The following EARS2 variants were observed in gnomAD, a reference collection of about 807,000 sequenced individuals.
EARS2 encodes the protein glutamyl-tRNA synthetase 2, mitochondrial.
In EARS2, 50 loss-of-function variants were observed where a neutral mutation model predicts 54.1. That is an observed-to-expected ratio of 0.92 (90% CI 0.74 to 1.17). EARS2 has a LOEUF of 1.17. Ranked by LOEUF, EARS2 falls within the 50% of genes most tolerant of loss-of-function variation. The pLI is 0.00. For missense variants in EARS2, 673 were observed against 675.0 expected (o/e 1.00, Z 0.03); for synonymous variants, 298 against 281.0 (o/e 1.06, Z -0.61).
intron 3 of EARS2, among the ~76,000 whole-genome samples, chr16:23,542,730 G>A (rs1316403443): frequency 6.6e-6 from 1 of 152,148 alleles, no homozygotes; most frequent in African/African-American, 2.4e-5. Flanking sequence ...TGGTGTTTCT[G>A]TCCTTGTGTA....
At position 23,524,257 on chromosome 16, in the gene EARS2, T is replaced by A; in HGVS notation, c.*114A>T. 4 of 849,836 alleles carry A rather than the reference T, an allele frequency of 4.7e-6. No individual in the cohort carries two copies. Among genetic ancestry groups the A allele is most frequent in the Non-Finnish European group, 8.0e-6 (4 of 500,328 alleles). 52.6% of individuals were successfully genotyped at this position (849,836 alleles called of 1,614,324 possible). ...GTGCAGTCAGAGATTGTTTCCACTC[T>A]TAGTTCCTTCAGCAAACTTCCCGAC... is the stretch of plus-strand genomic sequence containing the variant. On this transcript the variant is annotated 3_prime_UTR_variant, in exon 9 of 9. Transcript: ENST00000449606.
rs568925129 is a variant in EARS2, at chr16:23,529,623, A to C, written c.1231T>G (p.Cys411Gly). ...GGGGACACCAAGTCCTGCAGGCGGCAAATGTGACCCTGGGGAAGGAGGCAG... is the reference window on the plus strand; with the variant it reads ...GGGGACACCAAGTCCTGCAGGCGGCCAATGTGACCCTGGGGAAGGAGGCAG... Reference protein sequence around the residue: ...RILLLRQGHICRLQDLVSPVY... With the variant: ...RILLLRQGHIGRLQDLVSPVY... The change falls in exon 7 of 9, where the codon TGC becomes GGC. Residue 411 changes from cysteine (C) to glycine (G), a missense_variant. Physicochemically the swap from Cys to Gly is radical, Grantham distance 159 (BLOSUM62 -3). Coordinates refer to ENST00000449606, the MANE Select transcript of EARS2 (RefSeq NM_001083614.2). The C allele has an allele frequency of 4.3e-6, 7 of 1,614,096 alleles. No individual in the cohort carries two copies. The East Asian group carries it at 8.9e-5, about 21-fold the overall frequency.
chr16:23,557,123 G>C, intron 1 of EARS2, 82 bp downstream of exon 1: 1 of 1,478,052 alleles, frequency 6.8e-7, no homozygotes, highest in Non-Finnish European at 8.9e-7. Flanking sequence ...GACACCACCG[G>C]AAAGGATTCA....
chr16:23,536,554 T>C (rs920833444), intron 3 of EARS2, among the ~76,000 whole-genome samples: 1 of 151,658 alleles, frequency 6.6e-6, no homozygotes, highest in African/African-American at 2.4e-5. Flanking sequence ...CCCAGCTCTG[T>C]GGGAGGCCAA....
chr16:23,533,978 C>T (rs559713130), intron 4 of EARS2, among the ~76,000 whole-genome samples: 99 of 151,958 alleles, frequency 6.5e-4, no homozygotes, highest in African/African-American at 2.4e-3. Flanking sequence ...ATCGCTTGAA[C>T]CCAGGAGACG....
intron 3 of EARS2, among the ~76,000 whole-genome samples, chr16:23,543,504 T>C (rs1282890173): frequency 2.0e-5 from 3 of 151,616 alleles, no homozygotes; most frequent in Admixed American, 1.3e-4. Flanking sequence ...TCCTAACACT[T>C]TGGGAATCTG....
At chr16:23,536,108 C>T (rs1965413297) in intron 3 of EARS2, among the ~76,000 whole-genome samples, 1 of 152,166 alleles carries the variant, frequency 6.6e-6, no homozygotes, top group Non-Finnish European at 1.5e-5. Context: ...GCCAGAAATG[C>T]AGACTCTTAG....
intron 2 of EARS2, among the ~76,000 whole-genome samples, chr16:23,546,737 T>A (rs1965609595): frequency 6.6e-6 from 1 of 152,212 alleles, no homozygotes. Flanking sequence ...TTTTAAGTTT[T>A]CTATAGAGAC....
rs1965805309 is a variant in EARS2 at position 23,557,059 on chromosome 16, C to G, written c.139+146G>C. ...ATTTCCGCTCCTGCACCTCAGTTTC[C>G]GCCTCTGTAAAATGGGCTCGCGCTG... On this transcript the variant is annotated intron_variant, in intron 1 of 8. Transcript: ENST00000449606. 3.2e-6 allele frequency: 4 copies of G among 1,244,698 alleles called. No individual in the cohort carries two copies. The African/African-American group carries it at 6.0e-5, about 19-fold the overall frequency. The allele number at this position is 1,244,698 out of a possible 1,614,324, so 77.1% of individuals were successfully genotyped here.
At chr16:23,543,203 G>T (rs969361541) in intron 3 of EARS2, among the ~76,000 whole-genome samples, 3 of 149,972 alleles carry the variant, frequency 2.0e-5, no homozygotes, top group African/African-American at 4.9e-5. Flanking sequence ...AGGATTGCTT[G>T]AGGCCAGGAG....
chr16:23,545,053 G>C, intron 2 of EARS2: 1 of 182,930 alleles, frequency 5.5e-6, no homozygotes, highest in Non-Finnish European at 1.1e-5. Flanking sequence ...TGTTGGCCAG[G>C]CTGGTCTTGA....
chr16:23,549,751 C>T (rs542238404), intron 2 of EARS2, among the ~76,000 whole-genome samples: 25 of 152,240 alleles, frequency 1.6e-4, no homozygotes, highest in Non-Finnish European at 3.4e-4. Flanking sequence ...CCCCTGTGCC[C>T]GACCTGGCAA....
intron 1 of EARS2, chr16:23,552,909 A>G: frequency 5.1e-6 from 1 of 197,132 alleles, no homozygotes; most frequent in Non-Finnish European, 1.1e-5. Context: ...TACAAGCGTG[A>G]GCCATTGTGC....
At chr16:23,542,316 CTTT>C (rs745418385) in intron 3 of EARS2, among the ~76,000 whole-genome samples, 7 of 93,698 alleles carry the variant, frequency 7.5e-5, no homozygotes, top group African/African-American at 2.4e-4. Flanking sequence ...TTTCATTTTT[CTTT>C]TTTTTTTTTT....
intron 7 of EARS2, among the ~76,000 whole-genome samples, chr16:23,526,548 A>C (rs1409647680): frequency 6.6e-6 from 1 of 152,230 alleles, no homozygotes; most frequent in African/African-American, 2.4e-5. Flanking sequence ...ACAAAAAAGA[A>C]ACTTAGGAAT....
intron 3 of EARS2, among the ~76,000 whole-genome samples, chr16:23,544,113 A>G (rs1193037569): frequency 1.3e-5 from 2 of 152,208 alleles, no homozygotes; most frequent in Non-Finnish European, 2.9e-5. Context: ...ACAACTAGGT[A>G]GACTCCAGCT....
At chr16:23,533,329 A>G (rs1173373936) in intron 4 of EARS2, among the ~76,000 whole-genome samples, 1 of 152,070 alleles carries the variant, frequency 6.6e-6, no homozygotes, top group African/African-American at 2.4e-5. Context: ...TTCTGTAGAC[A>G]TGGAGTTTCA....
chr16:23,527,471 C>T (rs1213348917), intron 7 of EARS2, among the ~76,000 whole-genome samples: 2 of 151,940 alleles, frequency 1.3e-5, no homozygotes, highest in African/African-American at 4.8e-5. Context: ...AAGAAGCAGC[C>T]TTTCAGTGCA....
chr16:23,522,191 G>A lies in EARS2; in HGVS notation c.*2180C>T, dbSNP rs1299320880. 9.9e-6 allele frequency: 2 copies of A among 202,984 alleles called. No individual in the cohort carries two copies. The highest frequency in any genetic ancestry group is 1.1e-4 in the East Asian group (1 of 8,792). The allele number at this position is 202,984 out of a possible 1,614,324, so 12.6% of individuals were successfully genotyped here. A position where few individuals can be genotyped will look rare whatever the true frequency, so the allele number is the denominator to read the frequency against. ...GCCATTACATCATCTTCTGGAGAAA[G>A]CTCCCTAGTTTTCCTTGAGAACAAC... On this transcript the variant is annotated 3_prime_UTR_variant, in exon 9 of 9. Transcript: ENST00000449606.
Sources: gnomAD v4.1 joint callset for allele counts (sites outside exome capture counted in the v4.1 genomes callset) on GRCh38, gnomAD v4.1.1 for gene constraint, MANE v1.5 for transcripts, NCBI Gene and HGNC (gene_info 2026-07-23, HGNC 2026-07-21) for gene names.